Variants in PAK2 observed in about 807,000 individuals in gnomAD.
The protein encoded by PAK2 is p21 (RAC1) activated kinase 2.
In PAK2, 21 loss-of-function variants were observed where a neutral mutation model predicts 65.9. The observed-to-expected ratio is 0.32, with a 90% CI of 0.23 to 0.46. PAK2 has a LOEUF of 0.46. Among genes scored for constraint, PAK2 ranks in the 20% least tolerant of loss-of-function variants. The pLI is 1.00. For missense variants in PAK2, 324 were observed against 642.6 expected, an observed-to-expected ratio of 0.50 and a Z score of 5.36; for synonymous variants, 204 against 219.7, an observed-to-expected ratio of 0.93 and a Z score of 0.63.
At chr3:196,771,805 GCCTAA>G (rs2108730467) in intron 1 of PAK2, among the ~76,000 whole-genome samples, 1 of 152,088 alleles carries the variant, frequency 6.6e-6, no homozygotes, top group Non-Finnish European at 1.5e-5. Flanking sequence ...TGATCCACCC[GCCTAA>G]GCCTCCCAAA....
intron 1 of PAK2, among the ~76,000 whole-genome samples, chr3:196,743,118 T>C (rs1465271369): frequency 6.6e-6 from 1 of 151,974 alleles, no homozygotes; most frequent in East Asian, 1.9e-4. Context: ...AAATCCCTCA[T>C]TGCCCCCAAA....
intron 1 of PAK2, among the ~76,000 whole-genome samples, chr3:196,756,750 C>T (rs1457919837): frequency 3.9e-5 from 6 of 152,146 alleles, no homozygotes; most frequent in East Asian, 3.8e-4. Context: ...GCAGAAGAAT[C>T]GCTTGAACCC....
chr3:196,754,876 T>G (rs1577698709), intron 1 of PAK2, among the ~76,000 whole-genome samples: 1 of 152,172 alleles, frequency 6.6e-6, no homozygotes, highest in Non-Finnish European at 1.5e-5. Context: ...TAGCAAGGAG[T>G]GGCTGACCAA....
At chr3:196,804,832 T>TATATATATATATATACAC (rs1168767763) in intron 4 of PAK2, among the ~76,000 whole-genome samples, 1 of 80,360 alleles carries the variant, frequency 1.2e-5, no homozygotes, top group Non-Finnish European at 2.6e-5. Flanking sequence ...TATACACATA[T>TATATATATATATATACAC]ATATATATAT....
At chr3:196,770,041 A>T (rs35799398) in intron 1 of PAK2, among the ~76,000 whole-genome samples, 32,682 of 151,792 alleles carry the variant, frequency 0.22, 3,904 homozygotes, top group African/African-American at 0.27. Flanking sequence ...GGATAGCTTG[A>T]GCTAAGGAGT....
chr3:196,752,254 C>G (rs1373788441), intron 1 of PAK2, among the ~76,000 whole-genome samples: 2 of 152,034 alleles, frequency 1.3e-5, no homozygotes, highest in African/African-American at 4.8e-5. Context: ...TATCTGTTCA[C>G]CTATCAATGT....
intron 1 of PAK2, among the ~76,000 whole-genome samples, chr3:196,761,297 C>T (rs571412685): frequency 0.028 from 2,959 of 106,286 alleles, 55 homozygotes; most frequent in Middle Eastern, 0.067. Context: ...GGCAGAGGAC[C>T]CTGCGGCCTT....
chr3:196,827,445 A>G, intron 14 of PAK2, 112 bp downstream of exon 14: 2 of 1,507,392 alleles, frequency 1.3e-6, no homozygotes, highest in East Asian at 2.3e-5. Flanking sequence ...CACCAGCGGT[A>G]TGGCAGCTGC....
intron 2 of PAK2, among the ~76,000 whole-genome samples, chr3:196,794,324 C>G (rs948221091): frequency 3.3e-5 from 5 of 152,108 alleles, no homozygotes; most frequent in African/African-American, 1.2e-4. Flanking sequence ...CACAGAAAAC[C>G]AAGAACATAC....
At chr3:196,815,489 CA>C (rs796383290) in intron 11 of PAK2, among the ~76,000 whole-genome samples, 5,445 of 96,022 alleles carry the variant, frequency 0.057, 284 homozygotes, top group African/African-American at 0.17. Context: ...AAGATTGTCT[CA>C]AAAAAAAAAA....
In PAK2 at chr3:196,775,716, T is replaced by C. The variant is rs1184879193; in HGVS notation, c.-21-6910T>C. 2.6e-5 allele frequency among the ~76,000 whole-genome samples: 4 copies of C among 152,312 alleles called. No homozygotes were observed. The East Asian group carries it at 7.7e-4, about 29-fold the overall frequency. ...GGAAAGGCTGTGTTCTGAAAGTTGC[T>C]GTGTAATGTCATTTGCTTAGAATTT... is the stretch of plus-strand genomic sequence containing the variant. On this transcript the variant is annotated intron_variant, in intron 1 of 14. Coordinates refer to ENST00000327134, the MANE Select transcript of PAK2 (RefSeq NM_002577.4).
intron 1 of PAK2, among the ~76,000 whole-genome samples, chr3:196,743,883 AAAAC>A (rs56965790): frequency 0.014 from 2,079 of 152,098 alleles, 20 homozygotes; most frequent in Non-Finnish European, 0.018. Flanking sequence ...CTCCGTCTCA[AAAAC>A]AAACAAACAA....
intron 12 of PAK2, among the ~76,000 whole-genome samples, chr3:196,819,791 C>T (rs1271773255): frequency 6.6e-6 from 1 of 152,128 alleles, no homozygotes; most frequent in African/African-American, 2.4e-5. Flanking sequence ...ACCTTAGGCT[C>T]TCTGCTGAGA....
Position 196,830,921 on chromosome 3 carries a change from C to G in PAK2, c.*2516C>G, listed in dbSNP as rs1560123451. On this transcript the variant is annotated 3_prime_UTR_variant, in exon 15 of 15. Transcript: ENST00000327134. ...ATTTTTTTTGATACAGAGTCTCACT[C>G]TGTCACTCAGGCTGGAGTGCAGTGA... is the stretch of plus-strand genomic sequence containing the variant. The G allele has an allele frequency of 6.6e-6, 1 of 152,284 alleles. No homozygotes were observed. Among genetic ancestry groups the G allele is most frequent in the Admixed American group, 6.5e-5 (1 of 15,298 alleles). 9.4% of individuals were successfully genotyped at this position (152,284 alleles called of 1,614,324 possible).
At chr3:196,815,755 C>A (rs551217330) in intron 11 of PAK2, among the ~76,000 whole-genome samples, 1 of 151,856 alleles carries the variant, frequency 6.6e-6, no homozygotes, top group South Asian at 2.1e-4. Flanking sequence ...CCACTGCATT[C>A]CAGCCTGGCG....
Position 196,820,691 on chromosome 3 carries a change from C to G in PAK2, c.1350+124C>G, listed in dbSNP as rs1319574695. Reference sequence around the variant, plus strand: ...AGGTTGATAAAACCTAATCTCTGCCCCTAACTCTGCATCTAGAAATCATTT... The same window carrying G: ...AGGTTGATAAAACCTAATCTCTGCCGCTAACTCTGCATCTAGAAATCATTT... On this transcript the variant is annotated intron_variant, in intron 13 of 14. Transcript: ENST00000327134. The surrounding 1 kb of genome is among the most constrained non-coding windows in gnomAD (Gnocchi z 4.6). The G allele has an allele frequency of 1.0e-5, 5 of 476,532 alleles. No individual in the cohort carries two copies. The highest frequency in any genetic ancestry group is 1.9e-5 in the Non-Finnish European group (5 of 269,622). 29.5% of individuals were successfully genotyped at this position (476,532 alleles called of 1,614,324 possible).
intron 1 of PAK2, among the ~76,000 whole-genome samples, chr3:196,779,697 A>C (rs1431693892): frequency 2.0e-5 from 3 of 151,980 alleles, no homozygotes; most frequent in Non-Finnish European, 2.9e-5. Context: ...TTTTGAGATG[A>C]TGTCTCACTC....
chr3:196,807,048 A>G (rs1051529787), intron 6 of PAK2, among the ~76,000 whole-genome samples: 2 of 152,110 alleles, frequency 1.3e-5, no homozygotes, highest in African/African-American at 4.8e-5. Flanking sequence ...ATGCATTTTA[A>G]TCTCCCATTT....
chr3:196,810,081 C>T (rs1715723732), intron 7 of PAK2, among the ~76,000 whole-genome samples: 1 of 151,788 alleles, frequency 6.6e-6, no homozygotes, highest in Admixed American at 6.6e-5. Flanking sequence ...GTCAGAAAGA[C>T]CATTTAGGGT....
Sources: allele counts gnomAD v4.1 joint callset (sites outside exome capture counted in the v4.1 genomes callset), GRCh38; gene constraint gnomAD v4.1.1; non-coding constraint Gnocchi (gnomAD v3.1); transcripts MANE v1.5; gene names NCBI Gene and HGNC (gene_info 2026-07-23, HGNC 2026-07-21).